Variants in NTRK1 observed in about 807,000 individuals in gnomAD.
The protein encoded by NTRK1 is high affinity nerve growth factor receptor.
Under a neutral mutation model 86.8 loss-of-function variants are expected in NTRK1, and 62 were observed. That is an observed-to-expected ratio of 0.71 (90% CI 0.58 to 0.88). The LOEUF is 0.88. NTRK1 is among the 40% of genes least tolerant of loss of function. The pLI is 0.00. For synonymous variants in NTRK1, 469 were observed against 456.6 expected (o/e 1.03, Z -0.35); for missense variants, 967 against 1,078.4 (o/e 0.90, Z 1.45).
chr1:156,849,469 G>A (rs369456058), intron 2 of NTRK1: 23 of 1,598,152 alleles, frequency 1.4e-5, no homozygotes, highest in Non-Finnish European at 1.7e-5. Flanking sequence ...TCCTGGGGGA[G>A]GCCAGGGGAC....
rs1571685765 is a variant in NTRK1, at chr1:156,864,804, G to T, written c.359+5G>T. The T allele has an allele frequency of 6.2e-7, 1 of 1,612,602 alleles. No homozygotes were observed. Among genetic ancestry groups the T allele is most frequent in the Non-Finnish European group, 8.5e-7 (1 of 1,179,616 alleles). On this transcript the variant is annotated splice_donor_5th_base_variant and intron_variant, in intron 3 of 16. Transcript: ENST00000524377. ...CACTCCTCGGCTCAGTCGCCTGTGA[G>T]TGTGGCCAGTGCTGGGCAGTGGGAG...
At chr1:156,824,956 C>T (rs1197294861) in intron 1 of NTRK1, among the ~76,000 whole-genome samples, 1 of 152,172 alleles carries the variant, frequency 6.6e-6, no homozygotes. Context: ...AATGGCGCCT[C>T]TCAGCTCACT....
intron 2 of NTRK1, chr1:156,842,241 C>G (rs1355197568): frequency 6.2e-7 from 1 of 1,614,008 alleles, no homozygotes; most frequent in Admixed American, 1.7e-5. Flanking sequence ...ATCATTTCCC[C>G]CAATGCTGGC....
chr1:156,829,893 T>A (rs950825483), intron 1 of NTRK1, among the ~76,000 whole-genome samples: 2 of 152,216 alleles, frequency 1.3e-5, no homozygotes, highest in African/African-American at 2.4e-5. Context: ...CCTCAGGTGA[T>A]CCTCCAGCCT....
rs1647765091 is a variant in NTRK1 at position 156,874,399 on chromosome 1, G to A, written c.1194G>A (p.Val398=). Residue 398 remains valine (V), a splice_region_variant and synonymous_variant, in exon 9 of 17, where the codon GTG becomes GTA. Transcript: ENST00000524377. ...EDPIPVSFSP[V]DTNSTSGDPV... ...CTGCTGCAGTCTCCTTCTCGCCGGT[G>A]GGTGAGTAGCCCAAGGTGGAGGGCA... The A allele has an allele frequency of 6.2e-7, 1 of 1,614,114 alleles. No homozygotes were observed. Among genetic ancestry groups the A allele is most frequent in the Non-Finnish European group, 8.5e-7 (1 of 1,180,018 alleles).
chr1:156,849,957 C>T (rs940686669), intron 2 of NTRK1, among the ~76,000 whole-genome samples: 4 of 151,798 alleles, frequency 2.6e-5, no homozygotes, highest in African/African-American at 9.7e-5. Flanking sequence ...GGCCAGAGTG[C>T]AGTGGCACAA....
chr1:156,873,655 C>A lies in NTRK1; in HGVS notation c.873C>A (p.His291Gln), dbSNP rs978443025. The A allele has an allele frequency of 6.2e-7, 1 of 1,610,614 alleles. No individual in the cohort carries two copies. Among genetic ancestry groups the A allele is most frequent in the Non-Finnish European group, 8.5e-7 (1 of 1,179,516 alleles). Reference protein sequence around the residue: ...NVSFPASVQLHTAVEMHHWCI... With the variant: ...NVSFPASVQLQTAVEMHHWCI... Reference sequence around the variant, plus strand: ...CAGTCCCGGCCAGTGTGCAGCTGCACACGGCGGTGGAGATGCACCACTGGT... The same window carrying A: ...CAGTCCCGGCCAGTGTGCAGCTGCAAACGGCGGTGGAGATGCACCACTGGT... The change falls in exon 8 of 17, where the codon CAC (histidine) becomes CAA (glutamine). Residue 291 changes from histidine to glutamine, a missense_variant. Physicochemically the swap from His to Gln is conservative, Grantham distance 24. Transcript: ENST00000524377.
intron 2 of NTRK1, among the ~76,000 whole-genome samples, chr1:156,842,711 G>A (rs1449896866): frequency 2.6e-5 from 4 of 152,096 alleles, no homozygotes; most frequent in South Asian, 2.1e-4. Flanking sequence ...TCACAGTCAC[G>A]AACTTGGTCC....
rs200879801 is a variant in NTRK1, at chr1:156,840,865, G to A, written c.-63-1216G>A. 55 of 1,600,956 alleles carry A rather than the reference G, an allele frequency of 3.4e-5. No homozygotes were observed. In the African/African-American group the frequency reaches 6.1e-4, roughly 18 times the overall value. ...CCATGGGAGGCCAGCCAGGGAATGAGGTGCCCCTCAGTGCCCTGGACCCCC... is the reference window on the plus strand; with the variant it reads ...CCATGGGAGGCCAGCCAGGGAATGAAGTGCCCCTCAGTGCCCTGGACCCCC... On this transcript the variant is annotated intron_variant, in intron 1 of 16. Transcript: ENST00000392302.
At chr1:156,817,047 T>TTCCCTCTCTCTCTCTC (rs1654009287) in intron 1 of NTRK1, among the ~76,000 whole-genome samples, 1 of 113,782 alleles carries the variant, frequency 8.8e-6, no homozygotes, top group African/African-American at 3.2e-5. Context: ...GAACTTCCCT[T>TTCCCTCTCTCTCTCTC]TCTCTCTCTC....
Position 156,861,121 on chromosome 1 carries a change from C to T in NTRK1, c.187C>T (p.Pro63Ser), listed in dbSNP as rs1295528046. The T allele has an allele frequency of 1.9e-6, 3 of 1,581,462 alleles. No homozygotes were observed. Among genetic ancestry groups the T allele is most frequent in the African/African-American group, 1.3e-5 (1 of 74,694 alleles). Residue 63 changes from proline (P) to serine (S), a missense_variant, in exon 1 of 17, where the codon CCC becomes TCC. Physicochemically the swap from Pro to Ser is moderately conservative, Grantham distance 74. Transcript: ENST00000524377. ...GGCCCTGGATAGCCTCCACCACCTG[C>T]CCGGCGCAGAGAACCTGACTGAGCT... Reference protein sequence around the residue: ...DGALDSLHHLPGAENLTELYI... With the variant: ...DGALDSLHHLSGAENLTELYI...
Position 156,823,552 on chromosome 1 carries a change from G to A in NTRK1, c.-64+7714G>A, listed in dbSNP as rs750333162. ...TGTAAGCACATGGAGGGTGCTGCTG[G>A]AGTTTGTAATCATTCTGGTGAGGAC... On this transcript the variant is annotated intron_variant, in intron 1 of 16. Coordinates refer to the NTRK1 transcript ENST00000392302. Among the ~76,000 whole-genome samples the A allele has an allele frequency of 9.8e-5, 15 of 152,310 alleles. 1 individual carries two copies. Among genetic ancestry groups the A allele is most frequent in the Middle Eastern group, 3.4e-3 (1 of 294 alleles).
At chr1:156,847,628 C>G (rs1361723052) in intron 2 of NTRK1, among the ~76,000 whole-genome samples, 6 of 150,948 alleles carry the variant, frequency 4.0e-5, no homozygotes, top group Non-Finnish European at 8.8e-5. Flanking sequence ...AAGTGCCTGC[C>G]TTTGTTGGGA....
chr1:156,865,205 C>A (rs931592627), intron 3 of NTRK1: 8 of 276,838 alleles, frequency 2.9e-5, no homozygotes, highest in South Asian at 2.6e-4. Context: ...GTTAGGTCTG[C>A]CACTTGTCAC....
intron 1 of NTRK1, among the ~76,000 whole-genome samples, chr1:156,828,070 C>T (rs1054882965): frequency 6.6e-6 from 1 of 152,190 alleles, no homozygotes; most frequent in African/African-American, 2.4e-5. Flanking sequence ...GCCTCAGGCT[C>T]CCAAAGTGTT....
chr1:156,859,369 C>G (rs1350830877), upstream of NTRK1, among the ~76,000 whole-genome samples: 2 of 152,190 alleles, frequency 1.3e-5, no homozygotes, highest in African/African-American at 2.4e-5. The surrounding 1 kb of genome is among the most constrained non-coding windows in gnomAD (Gnocchi z 6.2). Flanking sequence ...GTCCCCACCA[C>G]AGGCTTCTTC....
chr1:156,841,429 C>G (rs768781131), intron 1 of NTRK1: 1 of 1,613,894 alleles, frequency 6.2e-7, no homozygotes, highest in South Asian at 1.1e-5. Flanking sequence ...CCTCCAGGAC[C>G]CCGCCATCCA....
chr1:156,848,383 C>A (rs576589088), intron 2 of NTRK1, among the ~76,000 whole-genome samples: 3 of 152,342 alleles, frequency 2.0e-5, no homozygotes, highest in South Asian at 4.1e-4. Flanking sequence ...CTAAGGATAT[C>A]TCCTTTTGAT....
intron 1 of NTRK1, chr1:156,841,381 G>GGAGGT (rs929764748): frequency 4.3e-6 from 7 of 1,612,824 alleles, no homozygotes; most frequent in Non-Finnish European, 5.1e-6. Context: ...AAGGGGCAGG[G>GGAGGT]GAGGTGACTC....
Sources: gnomAD v4.1 joint callset for allele counts (sites outside exome capture counted in the v4.1 genomes callset) on GRCh38, gnomAD v4.1.1 for gene constraint, Gnocchi (gnomAD v3.1) non-coding constraint, MANE v1.5 for transcripts, NCBI Gene and HGNC (gene_info 2026-07-23, HGNC 2026-07-21) for gene names.